Variants in VPS13B observed in about 807,000 individuals in gnomAD.
VPS13B encodes intermembrane lipid transfer protein VPS13B.
In VPS13B, 285 loss-of-function variants were observed where a neutral mutation model predicts 426.4. The ratio of observed to expected loss-of-function variants is 0.67; its 90% CI spans 0.61 to 0.74. The LOEUF (loss-of-function observed/expected upper bound fraction) is 0.74, where lower values mean the gene tolerates loss of function less well. Among genes scored for constraint, VPS13B ranks in the 30% least tolerant of loss-of-function variants. The pLI is 0.00. For missense variants in VPS13B, 4,537 were observed against 4,782.6 expected, an observed-to-expected ratio of 0.95 and a Z score of 1.51; for synonymous variants, 1,676 against 1,676.4, an observed-to-expected ratio of 1.00 and a Z score of 0.01.
At chr8:99,486,244 GT>G (rs1207580107) in intron 25 of VPS13B, among the ~76,000 whole-genome samples, 26 of 146,326 alleles carry the variant, frequency 1.8e-4, no homozygotes, top group Admixed American at 3.4e-4. Flanking sequence ...GTTTGTTTTG[GT>G]TTTTTTTTTT....
intron 39 of VPS13B, among the ~76,000 whole-genome samples, chr8:99,746,049 C>T (rs1810069534): frequency 6.6e-6 from 1 of 151,964 alleles, no homozygotes; most frequent in African/African-American, 2.4e-5. Context: ...CCTTTTATCC[C>T]CCTTATGCCG....
intron 30 of VPS13B, among the ~76,000 whole-genome samples, 171 bp downstream of exon 30, chr8:99,521,181 A>T (rs2133668922): frequency 6.6e-6 from 1 of 152,286 alleles, no homozygotes; most frequent in East Asian, 1.9e-4. Context: ...ATTCATTCAG[A>T]CAAATCAAGT....
At position 99,170,113 on chromosome 8, in the gene VPS13B, C is replaced by G. The variant is rs2132663446; in HGVS notation, c.2283C>G (p.Pro761=). Residue 761 remains proline, a synonymous_variant, in exon 16 of 62, where the codon CCC becomes CCG. Transcript: ENST00000357162. ...ACTGCTTACCTGTACCAGTTATTCC[C>G]TCTTTCAGCACTGCTCTTTATGGGA... The part of the protein sequence containing the change: ...GSYCLPVPVI[P]SFSTALYGKL... The G allele has an allele frequency of 1.2e-6, 2 of 1,612,946 alleles. No homozygotes were observed. The highest frequency in any genetic ancestry group is 1.7e-6 in the Non-Finnish European group (2 of 1,179,098).
intron 39 of VPS13B, among the ~76,000 whole-genome samples, chr8:99,765,936 A>T (rs867699199): frequency 4.0e-5 from 6 of 151,806 alleles, no homozygotes; most frequent in Middle Eastern, 3.4e-3. Flanking sequence ...CAGCAGTTTT[A>T]TCCTTTTGGA....
At chr8:99,216,116 G>A (rs1157901473) in intron 17 of VPS13B, among the ~76,000 whole-genome samples, 1 of 152,088 alleles carries the variant, frequency 6.6e-6, no homozygotes, top group Non-Finnish European at 1.5e-5. Flanking sequence ...ATCCTATTAT[G>A]CTAAGATTTT....
intron 19 of VPS13B, among the ~76,000 whole-genome samples, chr8:99,289,395 CTT>C (rs886647859): frequency 6.6e-6 from 1 of 152,034 alleles, no homozygotes; most frequent in African/African-American, 2.4e-5. Context: ...TATTGCCGTT[CTT>C]TTTTGTTTTT....
At chr8:99,702,463 CCT>C (rs1251719955) in intron 36 of VPS13B, among the ~76,000 whole-genome samples, 1 of 152,024 alleles carries the variant, frequency 6.6e-6, no homozygotes, top group Non-Finnish European at 1.5e-5. Context: ...AGGAGCATTG[CCT>C]TGGTACAGTA....
At chr8:99,148,157 C>A in intron 14 of VPS13B, 147 bp downstream of exon 14, 2 of 861,090 alleles carry the variant, frequency 2.3e-6, no homozygotes, top group South Asian at 1.5e-5. Context: ...GCAGGATGCA[C>A]ACTTGAGGCC....
chr8:99,076,978 G>T (rs1287821872), intron 3 of VPS13B, among the ~76,000 whole-genome samples: 8 of 151,844 alleles, frequency 5.3e-5, no homozygotes, highest in African/African-American at 1.9e-4. Context: ...TTCTGTATTT[G>T]TAATGTTTGG....
intron 19 of VPS13B, chr8:99,341,298 T>A: frequency 5.9e-6 from 1 of 168,132 alleles, no homozygotes. Context: ...TTCCTTCTGT[T>A]AATGTAGTAA....
At chr8:99,109,658 C>T (rs964461688) in intron 5 of VPS13B, among the ~76,000 whole-genome samples, 5 of 152,190 alleles carry the variant, frequency 3.3e-5, no homozygotes, top group African/African-American at 9.6e-5. Flanking sequence ...GGATTATAGG[C>T]ATGAACCACC....
intron 8 of VPS13B, among the ~76,000 whole-genome samples, chr8:99,128,571 C>T (rs889434338): frequency 1.3e-5 from 2 of 151,918 alleles, no homozygotes; most frequent in Non-Finnish European, 2.9e-5. Flanking sequence ...TTTATGGACT[C>T]ATTTTTCAGG....
chr8:99,657,438 C>G (rs2129719609), intron 34 of VPS13B, among the ~76,000 whole-genome samples: 1 of 141,420 alleles, frequency 7.1e-6, no homozygotes, highest in Non-Finnish European at 1.5e-5. Flanking sequence ...TAGGATCATC[C>G]TAGAGGTGAT....
At chr8:99,557,778 G>C (rs1824668043) in intron 31 of VPS13B, among the ~76,000 whole-genome samples, 1 of 152,172 alleles carries the variant, frequency 6.6e-6, no homozygotes. Flanking sequence ...TATAGTCACT[G>C]CCACCTTTCC....
chr8:99,698,679 A>G (rs946287860), intron 35 of VPS13B, among the ~76,000 whole-genome samples: 2 of 152,224 alleles, frequency 1.3e-5, no homozygotes, highest in African/African-American at 4.8e-5. Context: ...CATTTGTTGA[A>G]TGCATGCATA....
intron 12 of VPS13B, among the ~76,000 whole-genome samples, chr8:99,137,312 A>C (rs775611328): frequency 6.6e-6 from 1 of 151,602 alleles, no homozygotes; most frequent in African/African-American, 2.4e-5. Context: ...TTTTATGTTG[A>C]AAAGTTAGCG....
intron 6 of VPS13B, among the ~76,000 whole-genome samples, chr8:99,114,884 G>A (rs541917327): frequency 5.3e-4 from 80 of 152,178 alleles, no homozygotes; most frequent in Non-Finnish European, 9.1e-4. Flanking sequence ...GTTTTACTCC[G>A]TGTTTAGATA....
intron 42 of VPS13B, 66 bp from the exon 43 acceptor site, chr8:99,784,249 A>G: frequency 6.2e-7 from 1 of 1,606,474 alleles, no homozygotes; most frequent in Non-Finnish European, 8.5e-7. Flanking sequence ...GCCACTGGGC[A>G]GACAGCTGCC....
At chr8:99,540,304 C>T (rs1823545869) in intron 30 of VPS13B, among the ~76,000 whole-genome samples, 2 of 151,150 alleles carry the variant, frequency 1.3e-5, no homozygotes, top group African/African-American at 4.9e-5. Context: ...TGGTCTCGAT[C>T]TCCTGACCTC....
Sources: allele counts gnomAD v4.1 joint callset (sites outside exome capture counted in the v4.1 genomes callset), GRCh38; gene constraint gnomAD v4.1.1; transcripts MANE v1.5; gene names NCBI Gene and HGNC (gene_info 2026-07-23, HGNC 2026-07-21).